Variants in SLAIN1 observed in about 807,000 individuals in gnomAD.
SLAIN1 encodes the protein SLAIN motif-containing protein 1.
SLAIN1 carries 17 observed loss-of-function variants against 55.4 expected under a neutral mutation model. That is an observed-to-expected ratio of 0.31 (90% CI 0.21 to 0.46). The LOEUF (loss-of-function observed/expected upper bound fraction) is 0.46. Ranked by LOEUF, SLAIN1 falls within the 20% of genes least tolerant of loss-of-function variation. The pLI is 1.00. For missense variants in SLAIN1, 682 were observed against 785.1 expected (o/e 0.87, Z 1.57); for synonymous variants, 348 against 337.4 (o/e 1.03, Z -0.35).
intron 2 of SLAIN1, among the ~76,000 whole-genome samples, chr13:77,734,093 G>A (rs1021734691): frequency 6.6e-6 from 1 of 152,088 alleles, no homozygotes; most frequent in Non-Finnish European, 1.5e-5. Context: ...TGTGTGCCAA[G>A]GATTTCTATA....
intron 2 of SLAIN1, among the ~76,000 whole-genome samples, chr13:77,739,069 A>G (rs1245537273): frequency 6.6e-6 from 1 of 152,042 alleles, no homozygotes; most frequent in Admixed American, 6.6e-5. Context: ...TACCCCAGTC[A>G]CACAGATCCT....
chr13:77,760,754 C>G (rs1874948842), intron 5 of SLAIN1, 74 bp from the exon 6 acceptor site: 1 of 1,519,710 alleles, frequency 6.6e-7, no homozygotes, highest in Admixed American at 1.7e-5. Context: ...ATGGACTCTT[C>G]TGAAAATAAC....
intron 1 of SLAIN1, among the ~76,000 whole-genome samples, chr13:77,704,983 A>T (rs1252224181): frequency 1.7e-5 from 2 of 118,646 alleles, no homozygotes; most frequent in Non-Finnish European, 3.5e-5. Flanking sequence ...TTATATGTAT[A>T]TATACATAGA....
At position 77,703,400 on chromosome 13, in the gene SLAIN1, T is replaced by A. The variant is rs577335729; in HGVS notation, c.626+4861T>A. Among the ~76,000 whole-genome samples, 349 of 152,268 alleles carry A rather than the reference T, an allele frequency of 2.3e-3. 2 individuals are homozygous for A. The highest frequency in any genetic ancestry group is 8.0e-3 in the African/African-American group (333 of 41,558). ...AACTAAATTAGACCACCTAAACTGT[T>A]TTTTGCATAATTGATTTTCAGTGAA... On this transcript the variant is annotated intron_variant, in intron 1 of 6. Coordinates refer to ENST00000418532, the MANE Select transcript of SLAIN1 (RefSeq NM_001242868.2).
At chr13:77,699,071 G>C in intron 1 of SLAIN1, 1 of 1,529,134 alleles carries the variant, frequency 6.5e-7, no homozygotes, top group Admixed American at 2.0e-5. Flanking sequence ...CGTTCTTGCT[G>C]TTTGAATTTT....
rs766540899 is a variant in SLAIN1, at chr13:77,763,258, A to G, written c.*38A>G. On this transcript the variant is annotated 3_prime_UTR_variant, in exon 7 of 7. Coordinates refer to ENST00000418532, the MANE Select transcript of SLAIN1 (RefSeq NM_001242868.2). ...TACCCTTGAAAAATGGGAAAGAAGT[A>G]AAAATGAGGGTTGTGTTACCTAGCT... The G allele has an allele frequency of 6.5e-7, 1 of 1,542,496 alleles. No individual in the cohort carries two copies. The highest frequency in any genetic ancestry group is 1.1e-5 in the South Asian group (1 of 89,210).
In SLAIN1 at chr13:77,739,865, C is replaced by A. The variant is rs140807514; in HGVS notation, c.767-4418C>A. Among the ~76,000 whole-genome samples the A allele has an allele frequency of 2.0e-3, 304 of 152,128 alleles. 1 individual carries two copies. Among genetic ancestry groups the A allele is most frequent in the African/African-American group, 7.1e-3 (295 of 41,520 alleles). On this transcript the variant is annotated intron_variant, in intron 2 of 6. Transcript: ENST00000418532. ...TTAATGGTATACAAAAATAACTACA[C>A]AGATGTGTTATAACTTATCTTTTCA...
intron 1 of SLAIN1, among the ~76,000 whole-genome samples, chr13:77,708,001 G>A (rs1409650183): frequency 1.3e-5 from 2 of 152,140 alleles, no homozygotes; most frequent in Admixed American, 6.5e-5. Flanking sequence ...TGCTTTTAGT[G>A]CCATGATCAT....
chr13:77,742,976 C>T, intron 2 of SLAIN1: 1 of 1,226,974 alleles, frequency 8.2e-7, no homozygotes, highest in Non-Finnish European at 1.1e-6. Context: ...ACATATGCTT[C>T]CATATAGCTA....
chr13:77,702,334 G>A (rs1281513188), intron 1 of SLAIN1, among the ~76,000 whole-genome samples: 11 of 152,108 alleles, frequency 7.2e-5, no homozygotes. Context: ...GAAAGGAAAA[G>A]GGAAAAGTCT....
chr13:77,699,032 A>G, intron 1 of SLAIN1: 2 of 1,535,474 alleles, frequency 1.3e-6, no homozygotes, highest in South Asian at 2.4e-5. Context: ...GAAGCCGCGC[A>G]GTGATGGATC....
At chr13:77,710,071 C>A (rs2091132104) in intron 1 of SLAIN1, among the ~76,000 whole-genome samples, 1 of 151,910 alleles carries the variant, frequency 6.6e-6, no homozygotes, top group Non-Finnish European at 1.5e-5. Context: ...CGCATCTGGC[C>A]TTGGAAGAAC....
chr13:77,708,041 A>G (rs971853617), intron 1 of SLAIN1, among the ~76,000 whole-genome samples: 3 of 152,176 alleles, frequency 2.0e-5, no homozygotes, highest in Non-Finnish European at 4.4e-5. Context: ...CGGAGTGGGA[A>G]TGAGATATAG....
intron 4 of SLAIN1, among the ~76,000 whole-genome samples, chr13:77,748,558 C>G (rs1874000553): frequency 1.3e-5 from 2 of 152,026 alleles, no homozygotes; most frequent in South Asian, 4.2e-4. Context: ...GTATTCACTT[C>G]CATCAAACAC....
intron 2 of SLAIN1, among the ~76,000 whole-genome samples, chr13:77,742,384 G>T (rs148164521): frequency 1.3e-5 from 2 of 151,570 alleles, no homozygotes; most frequent in Non-Finnish European, 2.9e-5. Context: ...TCTCTGTACC[G>T]GATAGTCATT....
At chr13:77,730,362 G>T (rs1470826768) in intron 2 of SLAIN1, among the ~76,000 whole-genome samples, 1 of 152,152 alleles carries the variant, frequency 6.6e-6, no homozygotes, top group Non-Finnish European at 1.5e-5. Flanking sequence ...GGTGGTTTTA[G>T]AAATTCTTTG....
chr13:77,727,033 A>T (rs1172529934), intron 2 of SLAIN1, among the ~76,000 whole-genome samples: 1 of 152,214 alleles, frequency 6.6e-6, no homozygotes, highest in African/African-American at 2.4e-5. Context: ...GCTGGAAATT[A>T]AAATCTCCTG....
intron 4 of SLAIN1, among the ~76,000 whole-genome samples, chr13:77,749,393 G>A (rs1874055554): frequency 6.6e-6 from 1 of 152,082 alleles, no homozygotes; most frequent in Non-Finnish European, 1.5e-5. Flanking sequence ...TAATTCTACG[G>A]TATGGCAGGG....
intron 1 of SLAIN1, among the ~76,000 whole-genome samples, chr13:77,716,331 A>AAT (rs1555276458): frequency 4.8e-5 from 7 of 147,120 alleles, no homozygotes; most frequent in African/African-American, 1.7e-4. Flanking sequence ...ATAGCTCTCC[A>AAT]TTTTTTTTTT....
Sources: allele counts gnomAD v4.1 joint callset (sites outside exome capture counted in the v4.1 genomes callset), GRCh38; gene constraint gnomAD v4.1.1; transcripts MANE v1.5; gene names NCBI Gene and HGNC (gene_info 2026-07-23, HGNC 2026-07-21).